WWOX: variants seen among roughly 807,000 people sequenced by gnomAD.
WWOX encodes WW domain-containing oxidoreductase.
WWOX carries 69 observed loss-of-function variants against 46.2 expected under a neutral mutation model. The observed-to-expected ratio is 1.49, with a 90% CI of 1.23 to 1.82. The LOEUF (loss-of-function observed/expected upper bound fraction) is 1.82, where lower values mean the gene tolerates loss of function less well. WWOX is among the 40% of genes most tolerant of loss of function. The pLI, the probability that WWOX is intolerant of heterozygous loss-of-function variation, is 0.00. For missense variants in WWOX, 919 were observed against 542.6 expected, an observed-to-expected ratio of 1.69 and a Z score of -6.89; for synonymous variants, 359 against 202.6, an observed-to-expected ratio of 1.77 and a Z score of -6.56.
intron 8 of WWOX, among the ~76,000 whole-genome samples, chr16:78,582,081 A>C (rs16948121): frequency 2.6e-5 from 4 of 152,212 alleles, no homozygotes; most frequent in Non-Finnish European, 5.9e-5. Context: ...GTGCAGAAGC[A>C]TCTTTGGTTT....
At chr16:79,165,856 A>T (rs888541871) in intron 8 of WWOX, among the ~76,000 whole-genome samples, 2 of 152,130 alleles carry the variant, frequency 1.3e-5, no homozygotes, top group African/African-American at 4.8e-5. Flanking sequence ...ACAGGGTTAT[A>T]ACTCAGTCTA....
intron 8 of WWOX, among the ~76,000 whole-genome samples, chr16:78,747,772 C>G (rs1182101222): frequency 6.6e-6 from 1 of 152,188 alleles, no homozygotes; most frequent in East Asian, 1.9e-4. Context: ...GATGCTGCAG[C>G]TTGGCAGAGC....
intron 8 of WWOX, among the ~76,000 whole-genome samples, chr16:78,959,670 T>G (rs1022792343): frequency 6.6e-6 from 1 of 152,152 alleles, no homozygotes; most frequent in East Asian, 1.9e-4. Flanking sequence ...ATTTGTCGGA[T>G]AGACTGCAGG....
At chr16:79,130,837 C>T (rs569035585) in intron 8 of WWOX, among the ~76,000 whole-genome samples, 10 of 152,276 alleles carry the variant, frequency 6.6e-5, no homozygotes, top group South Asian at 4.1e-4. Context: ...CCATGTTCTC[C>T]GCACAGTGCG....
At chr16:78,558,708 C>T (rs950530506) in intron 8 of WWOX, among the ~76,000 whole-genome samples, 8 of 152,238 alleles carry the variant, frequency 5.3e-5, no homozygotes, top group African/African-American at 7.2e-5. Flanking sequence ...TGGCCTCTGC[C>T]AGTGTCACTT....
chr16:79,124,222 G>A (rs1227931481), intron 8 of WWOX, among the ~76,000 whole-genome samples: 1 of 152,068 alleles, frequency 6.6e-6, no homozygotes. Context: ...AGTAATTAGA[G>A]CGTGCCCCCT....
At chr16:78,590,324 T>A (rs947401546) in intron 8 of WWOX, among the ~76,000 whole-genome samples, 1 of 152,164 alleles carries the variant, frequency 6.6e-6, no homozygotes, top group African/African-American at 2.4e-5. Flanking sequence ...CCTTATTTGG[T>A]GGAAGCAAGT....
At chr16:79,049,914 G>C (rs1487970881) in intron 8 of WWOX, among the ~76,000 whole-genome samples, 5 of 151,950 alleles carry the variant, frequency 3.3e-5, no homozygotes, top group Non-Finnish European at 7.4e-5. Flanking sequence ...AGGACATGGA[G>C]TGGTAAAAGC....
intron 8 of WWOX, among the ~76,000 whole-genome samples, chr16:79,163,884 G>GAAA (rs10671742): frequency 0.034 from 4,595 of 136,378 alleles, 292 homozygotes; most frequent in African/African-American, 0.12. Flanking sequence ...AAGAGAATTG[G>GAAA]AAAAAAAAAA....
chr16:78,298,196 C>T (rs1272723228), intron 5 of WWOX, among the ~76,000 whole-genome samples: 1 of 152,126 alleles, frequency 6.6e-6, no homozygotes, highest in African/African-American at 2.4e-5. Context: ...ATAAACCACC[C>T]AGTCTTGGGT....
In WWOX at chr16:78,343,836, A is replaced by G. The variant is rs1309752728; in HGVS notation, c.517-43024A>G. Among the ~76,000 whole-genome samples the G allele has an allele frequency of 1.7e-5, 2 of 119,660 alleles. 1 individual carries two copies. Among genetic ancestry groups the G allele is most frequent in the Admixed American group, 1.6e-4 (2 of 12,242 alleles). The allele number at this position is 119,660 out of a possible 152,430, so 78.5% of individuals were successfully genotyped here. On this transcript the variant is annotated intron_variant, in intron 5 of 8. Transcript: ENST00000566780. ...TCAGCTGCTTTAATATTAATATGAC[A>G]CCCGTTTTGGGCTTGAAAAGTTTTC...
chr16:79,137,171 T>C (rs2049998333), intron 8 of WWOX, among the ~76,000 whole-genome samples: 1 of 152,226 alleles, frequency 6.6e-6, no homozygotes, highest in Admixed American at 6.5e-5. Flanking sequence ...CAACGTCCAG[T>C]GCTTCCCTGC....
chr16:78,290,674 A>G (rs1430298356), intron 5 of WWOX, among the ~76,000 whole-genome samples: 3 of 152,132 alleles, frequency 2.0e-5, no homozygotes, highest in Non-Finnish European at 4.4e-5. Flanking sequence ...ATGGAGAAAA[A>G]TGACTGACGT....
At chr16:78,315,032 C>T (rs371775482) in intron 5 of WWOX, among the ~76,000 whole-genome samples, 9 of 152,208 alleles carry the variant, frequency 5.9e-5, no homozygotes, top group African/African-American at 2.2e-4. Flanking sequence ...TCATTCTAGC[C>T]TTTCTGTCTC....
chr16:78,194,039 G>A (rs968335679), intron 5 of WWOX, among the ~76,000 whole-genome samples: 10 of 149,830 alleles, frequency 6.7e-5, no homozygotes, highest in Admixed American at 5.3e-4. Flanking sequence ...CACCGAGCCC[G>A]GCTAATTTTT....
At chr16:78,344,129 C>A (rs13339050) in intron 5 of WWOX, among the ~76,000 whole-genome samples, 26,325 of 106,374 alleles carry the variant, frequency 0.25, 8,326 homozygotes, top group African/African-American at 0.41. Flanking sequence ...GGTGAAGGTG[C>A]GTAATTAGTG....
chr16:78,881,176 A>G (rs1463542463), intron 8 of WWOX, among the ~76,000 whole-genome samples: 1 of 151,264 alleles, frequency 6.6e-6, no homozygotes, highest in African/African-American at 2.4e-5. Context: ...TTGTTGTTGT[A>G]TTTTTTGGTA....
chr16:78,665,686 G>C (rs984585604), intron 8 of WWOX, among the ~76,000 whole-genome samples: 2 of 152,066 alleles, frequency 1.3e-5, no homozygotes, highest in African/African-American at 4.8e-5. Context: ...AACATTAATT[G>C]TGCTTCTCTG....
intron 5 of WWOX, among the ~76,000 whole-genome samples, chr16:78,300,493 C>T (rs1309084111): frequency 6.6e-6 from 1 of 151,828 alleles, no homozygotes; most frequent in East Asian, 1.9e-4. Context: ...TCCTCCCTCC[C>T]TCCCTCCTTC....
Sources: gnomAD v4.1 joint callset for allele counts (sites outside exome capture counted in the v4.1 genomes callset) on GRCh38, gnomAD v4.1.1 for gene constraint, MANE v1.5 for transcripts, NCBI Gene and HGNC (gene_info 2026-07-23, HGNC 2026-07-21) for gene names.